The following GABRR3 variants were observed in gnomAD, a reference collection of about 807,000 sequenced individuals.
GABRR3 encodes the protein gamma-aminobutyric acid type A receptor subunit rho3.
In GABRR3, 29 loss-of-function variants were observed where a neutral mutation model predicts 43.2. The ratio of observed to expected loss-of-function variants is 0.67; its 90% CI spans 0.50 to 0.92. The LOEUF is 0.92. Among genes scored for constraint, GABRR3 ranks in the 40% least tolerant of loss-of-function variants. GABRR3 has a pLI of 0.00. For synonymous variants in GABRR3, 206 were observed against 195.9 expected (o/e 1.05, Z -0.43); for missense variants, 576 against 572.3 (o/e 1.01, Z -0.07).
At chr3:98,020,876 T>C (rs943446896) in intron 3 of GABRR3, among the ~76,000 whole-genome samples, 7 of 148,174 alleles carry the variant, frequency 4.7e-5, no homozygotes, top group African/African-American at 1.0e-4. Context: ...TTTTCTTTTT[T>C]TTTTTTTTTT....
intron 8 of GABRR3, among the ~76,000 whole-genome samples, chr3:97,994,708 A>T (rs1156790836): frequency 6.6e-6 from 1 of 152,234 alleles, no homozygotes; most frequent in Non-Finnish European, 1.5e-5. Context: ...TTTACCTACC[A>T]CATATCTAGG....
At chr3:98,001,788 T>A (rs1706647305) in intron 7 of GABRR3, 21 bp from the exon 8 acceptor site, 20 of 1,612,116 alleles carry the variant, frequency 1.2e-5, no homozygotes, top group Non-Finnish European at 1.7e-5. Flanking sequence ...AAGCCAAAGT[T>A]TTCATTAGAG....
Position 98,012,409 on chromosome 3 carries a change from A to G in GABRR3, c.465T>C (p.His155=), listed in dbSNP as rs771545122. ...GCATGATATTCTCCATAGTTGTATC[A>G]TGGATGAAGGATCTTTTAGAGTGGA... Residue 155 remains histidine, a synonymous_variant, in exon 5 of 10, where the codon CAT becomes CAC. Transcript: ENST00000621172. 4.0e-5 allele frequency: 65 copies of G among 1,613,896 alleles called. 1 individual carries two copies. The South Asian group carries it at 6.7e-4, about 17-fold the overall frequency.
intron 3 of GABRR3, among the ~76,000 whole-genome samples, chr3:98,019,709 C>A (rs1706914310): frequency 6.6e-6 from 1 of 152,118 alleles, no homozygotes; most frequent in African/African-American, 2.4e-5. Flanking sequence ...CCTCAACCTC[C>A]TGAGTAGCTG....
At chr3:98,035,042 A>G in intron 1 of GABRR3, 53 bp from the exon 2 acceptor site, 1 of 1,565,868 alleles carries the variant, frequency 6.4e-7, no homozygotes, top group Admixed American at 1.9e-5. Context: ...CAATACTGTG[A>G]TCACAGTTTC....
chr3:98,012,537 A>G, exon 5 of GABRR3: 1 of 1,613,960 alleles, frequency 6.2e-7, no homozygotes, highest in Non-Finnish European at 8.5e-7. Flanking sequence ...TCTTTCCAGT[A>G]ATGCCTGAGA....
At chr3:98,021,966 A>G (rs1437316065) in intron 3 of GABRR3, among the ~76,000 whole-genome samples, 1 of 152,222 alleles carries the variant, frequency 6.6e-6, no homozygotes, top group Non-Finnish European at 1.5e-5. Flanking sequence ...GAGGGAGTGC[A>G]TACTCAGAGA....
intron 9 of GABRR3, among the ~76,000 whole-genome samples, chr3:97,987,920 G>A (rs1706408223): frequency 6.6e-6 from 1 of 151,928 alleles, no homozygotes; most frequent in Non-Finnish European, 1.5e-5. Context: ...TGGGACTATA[G>A]ACACACATCA....
intron 3 of GABRR3, among the ~76,000 whole-genome samples, chr3:98,019,593 C>CT (rs796580166): frequency 1.7e-4 from 26 of 149,626 alleles, no homozygotes; most frequent in South Asian, 4.2e-4. Context: ...CTAATTATGA[C>CT]TTTTTTTTTT....
intron 9 of GABRR3, among the ~76,000 whole-genome samples, chr3:97,991,220 A>G (rs1706462058): frequency 6.6e-6 from 1 of 152,094 alleles, no homozygotes. Context: ...ACATGAAGAA[A>G]ATTCTTTCCC....
intron 2 of GABRR3, among the ~76,000 whole-genome samples, chr3:98,030,086 G>A (rs890630316): frequency 1.3e-5 from 2 of 149,364 alleles, no homozygotes; most frequent in Non-Finnish European, 3.0e-5. Context: ...CTGCACTCCA[G>A]CCTGGGTGAC....
intron 4 of GABRR3, among the ~76,000 whole-genome samples, chr3:98,013,610 A>G (rs1166408850): frequency 6.6e-6 from 1 of 152,242 alleles, no homozygotes; most frequent in Non-Finnish European, 1.5e-5. Flanking sequence ...AACAAAGGAT[A>G]CATTTCAGTA....
At chr3:98,033,590 C>A (rs1384455264) in intron 2 of GABRR3, among the ~76,000 whole-genome samples, 1 of 152,088 alleles carries the variant, frequency 6.6e-6, no homozygotes, top group African/African-American at 2.4e-5. Context: ...ATCCACCAGA[C>A]TGTACAAGTC....
At chr3:97,991,949 A>G (rs527905980) in intron 9 of GABRR3, among the ~76,000 whole-genome samples, 63 of 152,298 alleles carry the variant, frequency 4.1e-4, no homozygotes, top group African/African-American at 1.4e-3. Context: ...TATATACTAT[A>G]TGCACATATG....
chr3:98,020,224 T>C (rs183796424), intron 3 of GABRR3, among the ~76,000 whole-genome samples: 183 of 152,238 alleles, frequency 1.2e-3, no homozygotes, highest in Middle Eastern at 0.01. Context: ...TGAGAGTAAG[T>C]AATGTCTCTA....
intron 9 of GABRR3, among the ~76,000 whole-genome samples, chr3:97,988,310 T>C (rs1223940503): frequency 6.6e-6 from 1 of 152,122 alleles, no homozygotes; most frequent in African/African-American, 2.4e-5. Flanking sequence ...ACTCCTGAGC[T>C]TAGGCAATCC....
At chr3:98,028,136 G>A (rs1428585620) in intron 2 of GABRR3, among the ~76,000 whole-genome samples, 6 of 152,010 alleles carry the variant, frequency 3.9e-5, no homozygotes, top group Non-Finnish European at 8.8e-5. Context: ...TATTAAAATT[G>A]TATTTATTAA....
intron 8 of GABRR3, chr3:97,997,665 T>C (rs955216115): frequency 3.9e-5 from 6 of 152,204 alleles, no homozygotes; most frequent in African/African-American, 9.7e-5. Context: ...CATATCACTA[T>C]GGTGGGTCAT....
chr3:98,024,809 C>T (rs1706991530), intron 3 of GABRR3, among the ~76,000 whole-genome samples: 1 of 152,182 alleles, frequency 6.6e-6, no homozygotes, highest in Admixed American at 6.5e-5. Context: ...TTCACCATAT[C>T]CTGTGTATTG....
Sources: gnomAD v4.1 joint callset for allele counts (sites outside exome capture counted in the v4.1 genomes callset) on GRCh38, gnomAD v4.1.1 for gene constraint, MANE v1.5 for transcripts, NCBI Gene and HGNC (gene_info 2026-07-23, HGNC 2026-07-21) for gene names.